Variants in SAXO1 observed in about 807,000 individuals in gnomAD.
SAXO1 encodes the protein stabilizer of axonemal microtubules 1, also known as 4930500O09Rik.
Under a neutral mutation model 17.5 loss-of-function variants are expected in SAXO1, and 21 were observed. The observed-to-expected ratio is 1.20, with a 90% CI of 0.85 to 1.72. The LOEUF is 1.72. SAXO1 is among the 40% of genes most tolerant of loss of function. SAXO1 has a pLI of 0.00. For synonymous variants in SAXO1, 274 were observed against 216.5 expected (o/e 1.27, Z -2.33); for missense variants, 843 against 596.0 (o/e 1.41, Z -4.32).
chr9:19,008,109 G>T (rs534273799), intron 1 of SAXO1, among the ~76,000 whole-genome samples: 34 of 151,866 alleles, frequency 2.2e-4, no homozygotes, highest in Non-Finnish European at 3.2e-4. Flanking sequence ...CTGGGAGCTG[G>T]GACTACAGGT....
chr9:18,974,771 A>G (rs1317531166), intron 1 of SAXO1, among the ~76,000 whole-genome samples: 1 of 152,210 alleles, frequency 6.6e-6, no homozygotes, highest in East Asian at 1.9e-4. Context: ...TAATAAATGT[A>G]GAGGAAATGA....
chr9:19,027,935 C>A lies in SAXO1; in HGVS notation c.38+4936G>T. 3.5e-6 allele frequency: 5 copies of A among 1,425,460 alleles called. No individual in the cohort carries two copies. The South Asian group carries it at 4.7e-5, about 13-fold the overall frequency. 88.3% of individuals were successfully genotyped at this position (1,425,460 alleles called of 1,614,324 possible). A position where few individuals can be genotyped will look rare whatever the true frequency, so the allele number is the denominator to read the frequency against. ...TGCAGATCCACTCCCAAAAGATGAA[C>A]GTCAGTCCTGACGTGAACTGCGAGG... On this transcript the variant is annotated intron_variant, in intron 1 of 3. Coordinates refer to ENST00000380534, the MANE Select transcript of SAXO1 (RefSeq NM_153707.4).
In SAXO1 at chr9:18,941,637, C is replaced by T. The variant is rs757351370; in HGVS notation, c.421G>A (p.Ala141Thr). ...AATCTGCCCCTCTGTGCTCTCCCAC[C>T]TTTATAAGTAGGCAAACACTCCATC... is the stretch of plus-strand genomic sequence containing the variant. ...DKMECLPTYK[A>T]DYLPWNQPRR... is the part of the protein sequence containing the mutation. Residue 141 changes from alanine to threonine, a missense_variant and splice_region_variant, in exon 3 of 4, where the codon GCT (alanine) becomes ACT (threonine). By Grantham distance (58) the Ala-to-Thr change is moderately conservative (BLOSUM62 0). Transcript: ENST00000380534. 1.2e-6 allele frequency: 2 copies of T among 1,614,136 alleles called. No homozygotes were observed. The highest frequency in any genetic ancestry group is 1.7e-5 in the Admixed American group (1 of 60,028).
At position 18,974,079 on chromosome 9, in the gene SAXO1, A is replaced by C. The variant is rs1481532189; in HGVS notation, c.39-23142T>G. On this transcript the variant is annotated intron_variant, in intron 1 of 3. Transcript: ENST00000380534. ...TTGGTGGCAGTGTGCCCTTATGGCC[A>C]AGGAAGCAGACAGTAAGGGGTTGTA... Among the ~76,000 whole-genome samples the C allele has an allele frequency of 2.6e-5, 4 of 152,220 alleles. No homozygotes were observed. The East Asian group carries it at 7.7e-4, about 29-fold the overall frequency.
At chr9:18,936,201 G>T (rs1314229621) in intron 3 of SAXO1, among the ~76,000 whole-genome samples, 3 of 152,080 alleles carry the variant, frequency 2.0e-5, no homozygotes, top group Non-Finnish European at 4.4e-5. Flanking sequence ...TTTATTTTAG[G>T]CTGATAATAC....
At chr9:18,987,990 G>A (rs1255570799) in intron 1 of SAXO1, among the ~76,000 whole-genome samples, 1 of 151,940 alleles carries the variant, frequency 6.6e-6, no homozygotes, top group African/African-American at 2.4e-5. Flanking sequence ...AGCACTCCAC[G>A]TTTTCAGGCA....
At chr9:18,989,609 T>A (rs1833728579) in intron 1 of SAXO1, among the ~76,000 whole-genome samples, 1 of 152,036 alleles carries the variant, frequency 6.6e-6, no homozygotes, top group African/African-American at 2.4e-5. Context: ...ATTCTTCAAA[T>A]GTTTAGTACT....
chr9:18,959,234 T>C (rs1409438431), intron 1 of SAXO1, among the ~76,000 whole-genome samples: 1 of 152,042 alleles, frequency 6.6e-6, no homozygotes, highest in Non-Finnish European at 1.5e-5. Context: ...CATGGGGCAG[T>C]GGGTGGAAGA....
At chr9:18,995,185 CCT>C (rs1833953149) in intron 1 of SAXO1, among the ~76,000 whole-genome samples, 1 of 152,132 alleles carries the variant, frequency 6.6e-6, no homozygotes, top group Non-Finnish European at 1.5e-5. Context: ...TAATTATTTC[CCT>C]GTCTAAAAAC....
intron 1 of SAXO1, among the ~76,000 whole-genome samples, chr9:19,020,345 T>C (rs1225865803): frequency 1.1e-5 from 1 of 94,984 alleles, no homozygotes; most frequent in East Asian, 2.9e-4. Context: ...GTCGAAATAA[T>C]TTTTTTTTTT....
intron 1 of SAXO1, among the ~76,000 whole-genome samples, chr9:19,047,648 A>C (rs1490663358): frequency 1.3e-5 from 2 of 152,206 alleles, no homozygotes; most frequent in Non-Finnish European, 2.9e-5. Context: ...ACCAAGAAGC[A>C]GGCATCAGAC....
At chr9:19,042,424 C>A (rs1436420146) in intron 1 of SAXO1, among the ~76,000 whole-genome samples, 1 of 152,188 alleles carries the variant, frequency 6.6e-6, no homozygotes, top group Admixed American at 6.5e-5. Context: ...TCATACGATT[C>A]AGCAATCCCA....
intron 1 of SAXO1, among the ~76,000 whole-genome samples, chr9:19,032,238 G>A (rs748776383): frequency 2.2e-4 from 34 of 152,198 alleles, no homozygotes; most frequent in Non-Finnish European, 4.8e-4. Flanking sequence ...AAGAGATCAT[G>A]TGAGTGACAG....
intron 1 of SAXO1, among the ~76,000 whole-genome samples, chr9:18,984,572 C>T (rs942951565): frequency 1.3e-5 from 2 of 152,214 alleles, no homozygotes; most frequent in Non-Finnish European, 2.9e-5. Context: ...TTTCCTTAAA[C>T]CTTGTGAACC....
intron 1 of SAXO1, chr9:19,027,904 G>A (rs1835569900): frequency 1.5e-6 from 2 of 1,376,034 alleles, no homozygotes. Flanking sequence ...GCCTGGGCCA[G>A]AATCATGCAG....
intron 1 of SAXO1, among the ~76,000 whole-genome samples, chr9:19,021,473 G>A (rs1490629873): frequency 6.6e-6 from 1 of 152,182 alleles, no homozygotes; most frequent in Non-Finnish European, 1.5e-5. Flanking sequence ...CGCCAGCAGA[G>A]GCTGTAGAAG....
At chr9:19,043,684 C>T (rs908690901) in intron 1 of SAXO1, among the ~76,000 whole-genome samples, 1 of 151,910 alleles carries the variant, frequency 6.6e-6, no homozygotes, top group African/African-American at 2.4e-5. Context: ...GGGAGGATTG[C>T]TTGAGCCCAG....
chr9:19,039,821 C>T (rs1221540519), intron 1 of SAXO1, among the ~76,000 whole-genome samples: 1 of 152,132 alleles, frequency 6.6e-6, no homozygotes, highest in East Asian at 1.9e-4. Context: ...CTCCGCCTCC[C>T]AGGTTCAAGC....
chr9:19,005,562 A>C (rs1021172687), intron 1 of SAXO1, among the ~76,000 whole-genome samples: 7 of 152,232 alleles, frequency 4.6e-5, no homozygotes, highest in Non-Finnish European at 8.8e-5. Flanking sequence ...GCACAGGAAA[A>C]GTTGGATATC....
Sources: allele counts gnomAD v4.1 joint callset (sites outside exome capture counted in the v4.1 genomes callset), GRCh38; gene constraint gnomAD v4.1.1; transcripts MANE v1.5; gene names NCBI Gene and HGNC (gene_info 2026-07-23, HGNC 2026-07-21).